ZNF484: variants seen among roughly 807,000 people sequenced by gnomAD.
ZNF484 encodes KRAB box containing C2H2 type zinc finger bA526D8.4.
A neutral mutation model predicts 12.9 loss-of-function variants in ZNF484; 11 were observed. The observed-to-expected ratio is 0.85, with a 90% CI of 0.54 to 1.41. The LOEUF is 1.41. ZNF484 is among the 40% of genes most tolerant of loss of function. ZNF484 has a pLI of 0.00. For synonymous variants in ZNF484, 289 were observed against 334.1 expected (o/e 0.86, Z 1.47); for missense variants, 807 against 1,007.7 (o/e 0.80, Z 2.70).
intron 2 of ZNF484, among the ~76,000 whole-genome samples, chr9:92,871,418 C>T (rs1857424446): frequency 6.6e-6 from 1 of 152,050 alleles, no homozygotes; most frequent in Non-Finnish European, 1.5e-5. Context: ...AACAGAACCT[C>T]AGAGACATGT....
intron 3 of ZNF484, 39 bp from the exon 4 acceptor site, chr9:92,855,942 C>T: frequency 6.2e-7 from 1 of 1,602,342 alleles, no homozygotes; most frequent in African/African-American, 1.3e-5. Context: ...ATTTCAGAGG[C>T]CATACAATGA....
chr9:92,863,205 G>A (rs1292922657), intron 2 of ZNF484, among the ~76,000 whole-genome samples: 1 of 146,700 alleles, frequency 6.8e-6, no homozygotes, highest in Non-Finnish European at 1.5e-5. Flanking sequence ...TTATAAGTGG[G>A]AGCTGAACAA....
At position 92,847,063 on chromosome 9, in the gene ZNF484, C is replaced by T. The variant is rs1409943584; in HGVS notation, c.1724G>A (p.Arg575Lys). 1.9e-6 allele frequency: 3 copies of T among 1,613,414 alleles called. No individual in the cohort carries two copies. The highest frequency in any genetic ancestry group is 1.3e-5 in the African/African-American group (1 of 74,750). Residue 575 changes from arginine to lysine, a missense_variant, in exon 5 of 5, where the codon AGA (arginine) becomes AAA (lysine). Transcript: ENST00000375495. ...STLSMHQRIH[R>K]GEKPYVCTEC... ...AGTGCAAACATATGGTTTTTCCCCT[C>T]TATGAATTCTCTGGTGCATACTTAA...
At chr9:92,873,265 AC>A (rs1054920382) in intron 2 of ZNF484, among the ~76,000 whole-genome samples, 1 of 152,148 alleles carries the variant, frequency 6.6e-6, no homozygotes, top group Non-Finnish European at 1.5e-5. Context: ...CCATACTTGC[AC>A]CCTGATCTCT....
Position 92,845,081 on chromosome 9 carries a change from C to A in ZNF484, c.*1147G>T. 1 of 151,996 alleles carries A rather than the reference C, an allele frequency of 6.6e-6. No homozygotes were observed. Among genetic ancestry groups the A allele is most frequent in the Non-Finnish European group, 1.5e-5 (1 of 67,962 alleles). The allele number at this position is 151,996 out of a possible 1,614,324, so 9.4% of individuals were successfully genotyped here. A position where few individuals can be genotyped will look rare whatever the true frequency, so the allele number is the denominator to read the frequency against. ...ATGTATATTAGTATCTGACATAGTA[C>A]ATTTAAGGCAAAAAATTACTAGAGA... On this transcript the variant is annotated 3_prime_UTR_variant, in exon 5 of 5. Transcript: ENST00000375495. This position sits in a 1 kb window ranked among gnomAD's most constrained non-coding sequence, Gnocchi z 4.0.
chr9:92,863,364 A>G (rs1052436072), intron 2 of ZNF484, among the ~76,000 whole-genome samples: 5 of 152,074 alleles, frequency 3.3e-5, no homozygotes, highest in African/African-American at 9.7e-5. Context: ...AACCATCATG[A>G]CACACATTTA....
chr9:92,863,298 A>T (rs1231912927), intron 2 of ZNF484, among the ~76,000 whole-genome samples: 1 of 151,554 alleles, frequency 6.6e-6, no homozygotes, highest in Non-Finnish European at 1.5e-5. Context: ...GCATTAGGGA[A>T]AAAAGCTAAT....
chr9:92,875,112 T>TCA (rs1857716534), intron 1 of ZNF484, 53 bp from the exon 2 acceptor site: 1 of 1,537,288 alleles, frequency 6.5e-7, no homozygotes, highest in African/African-American at 1.4e-5. Flanking sequence ...TGTGCCAATG[T>TCA]CACACATGGA....
At chr9:92,871,752 T>C (rs984764739) in intron 2 of ZNF484, among the ~76,000 whole-genome samples, 12 of 152,354 alleles carry the variant, frequency 7.9e-5, no homozygotes, top group African/African-American at 2.9e-4. Context: ...CTAAGAACCA[T>C]GGCTCCCCAA....
intron 2 of ZNF484, among the ~76,000 whole-genome samples, chr9:92,858,913 C>T (rs1433965702): frequency 6.6e-6 from 1 of 152,102 alleles, no homozygotes; most frequent in Non-Finnish European, 1.5e-5. Context: ...ATCATGAGGT[C>T]AGGAGATCGA....
At position 92,846,772 on chromosome 9, in the gene ZNF484, G is replaced by C. The variant is rs1855638475; in HGVS notation, c.2015C>G (p.Ala672Gly). 6.2e-7 allele frequency: 1 copy of C among 1,613,958 alleles called. No individual in the cohort carries two copies. The change falls in exon 5 of 5, where the codon GCC becomes GGC. Residue 672 changes from alanine (A) to glycine (G), a missense_variant. Ala to Gly is a moderately conservative substitution (Grantham distance 60, BLOSUM62 0). Transcript: ENST00000375495. The stretch of plus-strand genomic sequence containing the variant: ...ATGGAGACCTGACTTCCTAGTGAAG[G>C]CTTTCCCACAGTCACTACATTTATA... ...KPYKCSDCGK[A>G]FTRKSGLHIH...
chr9:92,847,776 A>G lies in ZNF484; in HGVS notation c.1011T>C (p.Phe337=), dbSNP rs530651544. The G allele has an allele frequency of 5.1e-5, 83 of 1,613,988 alleles. No homozygotes were observed. Among genetic ancestry groups the G allele is most frequent in the Middle Eastern group, 4.9e-4 (3 of 6,062 alleles). The change falls in exon 5 of 5, where the codon TTT becomes TTC. Residue 337 remains phenylalanine, a synonymous_variant. Transcript: ENST00000375495. ...YYKCSDYGRA[F]IQKSDLFRCQ... ...ATCTGAACAGATCTGACTTCTGGAT[A>G]AAGGCTCTTCCATAGTCACTGCATT...
intron 3 of ZNF484, 115 bp from the exon 4 acceptor site, chr9:92,856,018 GATT>G: frequency 7.1e-7 from 1 of 1,403,286 alleles, no homozygotes; most frequent in Non-Finnish European, 9.8e-7. Context: ...ACCCGAAAGA[GATT>G]ATTAAGAACA....
chr9:92,866,209 A>G (rs1322108595), intron 2 of ZNF484, among the ~76,000 whole-genome samples: 1 of 152,218 alleles, frequency 6.6e-6, no homozygotes, highest in Non-Finnish European at 1.5e-5. Context: ...TTACTTTTAA[A>G]TCATATGCAT....
At chr9:92,849,019 T>C (rs1044165166) in intron 4 of ZNF484, among the ~76,000 whole-genome samples, 1 of 152,104 alleles carries the variant, frequency 6.6e-6, no homozygotes, top group African/African-American at 2.4e-5. Context: ...CCCAGCACTT[T>C]GGGAGGCTGA....
In ZNF484 at chr9:92,847,302, G is replaced by T; in HGVS notation, c.1485C>A (p.Pro495=). ...CCTTACCACACACAGTACATATATAGGGTCTTTCTCCTGTATGAATTTTCT... is the reference window on the plus strand; with the variant it reads ...CCTTACCACACACAGTACATATATATGGTCTTTCTCCTGTATGAATTTTCT... The part of the protein sequence containing the change: ...IHQKIHTGER[P]YICTVCGKAF... The change falls in exon 5 of 5, where the codon CCC becomes CCA. Residue 495 remains proline, a synonymous_variant. Transcript: ENST00000375495. 6.2e-7 allele frequency: 1 copy of T among 1,613,814 alleles called. No homozygotes were observed. The highest frequency in any genetic ancestry group is 1.6e-4 in the Middle Eastern group (1 of 6,062).
At chr9:92,870,754 G>T (rs992476139) in intron 2 of ZNF484, among the ~76,000 whole-genome samples, 1 of 152,216 alleles carries the variant, frequency 6.6e-6, no homozygotes, top group Non-Finnish European at 1.5e-5. Context: ...AGAGAAGACA[G>T]CATGAAGAGC....
At chr9:92,857,472 A>G (rs1370756367) in intron 2 of ZNF484, among the ~76,000 whole-genome samples, 2 of 152,210 alleles carry the variant, frequency 1.3e-5, no homozygotes, top group African/African-American at 4.8e-5. Flanking sequence ...TAGGGTATAT[A>G]GGGCAGTAGA....
chr9:92,846,140 A>T lies in ZNF484; in HGVS notation c.*88T>A. Reference sequence around the variant, plus strand: ...CAATATCAAGTAACCAAAGATGGCCACTATACATTGCTTAAACACTCTCAA... The same window carrying T: ...CAATATCAAGTAACCAAAGATGGCCTCTATACATTGCTTAAACACTCTCAA... On this transcript the variant is annotated 3_prime_UTR_variant, in exon 5 of 5. Coordinates refer to ENST00000375495, the MANE Select transcript of ZNF484 (RefSeq NM_031486.4). The T allele has an allele frequency of 7.3e-7, 1 of 1,375,752 alleles. No individual in the cohort carries two copies. Among genetic ancestry groups the T allele is most frequent in the Non-Finnish European group, 9.9e-7 (1 of 1,007,142 alleles). 85.2% of individuals were successfully genotyped at this position (1,375,752 alleles called of 1,614,324 possible). A position where few individuals can be genotyped will look rare whatever the true frequency, so the allele number is the denominator to read the frequency against.
Sources: allele counts gnomAD v4.1 joint callset (sites outside exome capture counted in the v4.1 genomes callset), GRCh38; gene constraint gnomAD v4.1.1; non-coding constraint Gnocchi (gnomAD v3.1); transcripts MANE v1.5; gene names NCBI Gene and HGNC (gene_info 2026-07-23, HGNC 2026-07-21).